Variants in NCKAP5 observed in about 807,000 individuals in gnomAD.
NCKAP5 encodes NCK associated protein 5.
NCKAP5 carries 92 observed loss-of-function variants against 167.0 expected under a neutral mutation model. The ratio of observed to expected loss-of-function variants is 0.55; its 90% CI spans 0.47 to 0.66. NCKAP5 has a LOEUF of 0.66. Among genes scored for constraint, NCKAP5 ranks in the 30% least tolerant of loss-of-function variants. The pLI is 0.00. For synonymous variants in NCKAP5, 891 were observed against 877.4 expected (o/e 1.02, Z -0.27); for missense variants, 2,378 against 2,315.0 (o/e 1.03, Z -0.56).
intron 8 of NCKAP5, among the ~76,000 whole-genome samples, chr2:132,921,974 C>T (rs146669773): frequency 5.5e-4 from 83 of 152,250 alleles, no homozygotes; most frequent in African/African-American, 1.8e-3. Context: ...GACATGACTG[C>T]GAGCCCAAGA....
chr2:133,618,226 T>C, the NCKAP5 span, among the ~76,000 whole-genome samples: 1 of 151,812 alleles, frequency 6.6e-6, no homozygotes, highest in South Asian at 2.1e-4. Flanking sequence ...GGCATTACCA[T>C]TCAGGACATA....
the NCKAP5 span, among the ~76,000 whole-genome samples, chr2:133,643,965 C>T: frequency 3.9e-5 from 6 of 152,160 alleles, no homozygotes; most frequent in African/African-American, 7.2e-5. Context: ...GACTCAACTC[C>T]GGCATTAGTT....
chr2:132,713,175 G>T (rs1452765691), intron 19 of NCKAP5, among the ~76,000 whole-genome samples: 1 of 152,090 alleles, frequency 6.6e-6, no homozygotes, highest in South Asian at 2.1e-4. Context: ...AATAAAAATG[G>T]TTACCTATAT....
At chr2:132,828,085 GGA>G (rs1687260139) in intron 11 of NCKAP5, among the ~76,000 whole-genome samples, 1 of 152,166 alleles carries the variant, frequency 6.6e-6, no homozygotes, top group South Asian at 2.1e-4. Flanking sequence ...CATGAAAAAT[GGA>G]GACACTTCAG....
At chr2:133,532,224 T>C (rs1685423781) in intron 2 of NCKAP5, among the ~76,000 whole-genome samples, 2 of 152,240 alleles carry the variant, frequency 1.3e-5, no homozygotes, top group African/African-American at 4.8e-5. Flanking sequence ...CTTAAAACGG[T>C]TTACCCCAAT....
chr2:132,925,479 G>A (rs1441279529), intron 8 of NCKAP5, among the ~76,000 whole-genome samples: 7 of 150,614 alleles, frequency 4.6e-5, no homozygotes, highest in Middle Eastern at 3.5e-3. Context: ...GGAGAATGGC[G>A]TGAACCTGGG....
chr2:133,208,240 G>A (rs2086048744), intron 5 of NCKAP5, among the ~76,000 whole-genome samples: 1 of 152,114 alleles, frequency 6.6e-6, no homozygotes, highest in Non-Finnish European at 1.5e-5. Flanking sequence ...TCAGGAAGCT[G>A]AGGTGGTAGA....
At chr2:133,212,627 C>T (rs545745541) in intron 5 of NCKAP5, among the ~76,000 whole-genome samples, 55 of 152,296 alleles carry the variant, frequency 3.6e-4, no homozygotes, top group Admixed American at 9.8e-4. Flanking sequence ...CTCGGCCTCC[C>T]AAAGTGTTGA....
chr2:133,449,231 T>A (rs1399602921), intron 3 of NCKAP5, among the ~76,000 whole-genome samples: 2 of 152,230 alleles, frequency 1.3e-5, no homozygotes, highest in Non-Finnish European at 2.9e-5. Flanking sequence ...AATGAATAAA[T>A]GAAAGAATGT....
intron 3 of NCKAP5, among the ~76,000 whole-genome samples, chr2:133,513,432 C>G (rs1400482087): frequency 6.6e-6 from 1 of 152,172 alleles, no homozygotes; most frequent in Non-Finnish European, 1.5e-5. Flanking sequence ...CTAAACCCAA[C>G]CAGATGCCAA....
chr2:133,513,839 T>G (rs1022970674), intron 3 of NCKAP5, among the ~76,000 whole-genome samples: 12 of 152,160 alleles, frequency 7.9e-5, no homozygotes, highest in African/African-American at 2.9e-4. Context: ...TAAATGTATT[T>G]CCCAAAAATT....
At chr2:133,355,923 G>GT (rs1684682359) in intron 3 of NCKAP5, among the ~76,000 whole-genome samples, 2 of 146,892 alleles carry the variant, frequency 1.4e-5, no homozygotes, top group South Asian at 4.3e-4. Context: ...AAGGAGCAGT[G>GT]TTTTTGTTTT....
chr2:133,213,340 T>C (rs1055888484), intron 5 of NCKAP5, among the ~76,000 whole-genome samples: 4 of 152,234 alleles, frequency 2.6e-5, no homozygotes, highest in Admixed American at 6.5e-5. Flanking sequence ...GGTGTTCTTT[T>C]TTCAGAACAC....
At chr2:132,955,092 A>G (rs2076299854) in intron 8 of NCKAP5, among the ~76,000 whole-genome samples, 1 of 152,260 alleles carries the variant, frequency 6.6e-6, no homozygotes, top group South Asian at 2.1e-4. Flanking sequence ...TTCTATTCAG[A>G]ATACCACTGG....
At chr2:133,073,030 G>A (rs1445285399) in intron 6 of NCKAP5, among the ~76,000 whole-genome samples, 1 of 152,132 alleles carries the variant, frequency 6.6e-6, no homozygotes, top group Non-Finnish European at 1.5e-5. Flanking sequence ...TAGGTAACTT[G>A]GGGAGGGTCA....
rs537136549 is a variant in NCKAP5 at position 133,175,913 on chromosome 2, C to A, written c.207+37803G>T. On this transcript the variant is annotated intron_variant, in intron 5 of 19. Transcript: ENST00000409261. ...ACGGTAAATCCATTCATAGGACTTG[C>A]TTCCCCATTATTAGCACCATCTGAG... 2.6e-5 allele frequency among the ~76,000 whole-genome samples: 4 copies of A among 152,270 alleles called. No homozygotes were observed. The South Asian group carries it at 8.3e-4, about 32-fold the overall frequency.
At chr2:133,081,554 C>T (rs535230695) in intron 6 of NCKAP5, among the ~76,000 whole-genome samples, 3 of 152,190 alleles carry the variant, frequency 2.0e-5, no homozygotes, top group Admixed American at 2.0e-4. Flanking sequence ...GTGGTGTATG[C>T]ATTTTAAAAT....
chr2:133,574,370 G>A, the NCKAP5 span, among the ~76,000 whole-genome samples: 6 of 152,298 alleles, frequency 3.9e-5, no homozygotes, highest in African/African-American at 1.4e-4. Flanking sequence ...AAGAGGCAGG[G>A]ATGCTCTGCT....
At chr2:133,135,828 C>G (rs2082768993) in intron 5 of NCKAP5, among the ~76,000 whole-genome samples, 1 of 151,982 alleles carries the variant, frequency 6.6e-6, no homozygotes, top group South Asian at 2.1e-4. Flanking sequence ...TAAGGCACTT[C>G]AAAAACTCAA....
Sources: allele counts gnomAD v4.1 joint callset (sites outside exome capture counted in the v4.1 genomes callset), GRCh38; gene constraint gnomAD v4.1.1; transcripts MANE v1.5; gene names NCBI Gene and HGNC (gene_info 2026-07-23, HGNC 2026-07-21).